The following DCAF1 variants were observed in gnomAD, a reference collection of about 807,000 sequenced individuals.
DCAF1 encodes DDB1- and CUL4-associated factor 1.
A neutral mutation model predicts 128.0 loss-of-function variants in DCAF1; 15 were observed. The ratio of observed to expected loss-of-function variants is 0.12; its 90% CI spans 0.08 to 0.18. The LOEUF (loss-of-function observed/expected upper bound fraction) is 0.18, where lower values mean the gene tolerates loss of function less well. Among genes scored for constraint, DCAF1 ranks in the 10% least tolerant of loss-of-function variants. The probability of loss-of-function intolerance (pLI) is 1.00; values close to 1 mark genes in which losing one functional copy is unlikely to be tolerated. For synonymous variants in DCAF1, 610 were observed against 603.0 expected, an observed-to-expected ratio of 1.01 and a Z score of -0.17; for missense variants, 988 against 1,649.5, an observed-to-expected ratio of 0.60 and a Z score of 6.95.
At chr3:51,417,142 GCA>G (rs1698951411) in intron 17 of DCAF1, among the ~76,000 whole-genome samples, 1 of 152,208 alleles carries the variant, frequency 6.6e-6, no homozygotes, top group South Asian at 2.1e-4. Context: ...AAGGGGCCAG[GCA>G]TGGTAGCTCA....
chr3:51,428,093 T>C (rs1182706188), intron 12 of DCAF1, among the ~76,000 whole-genome samples: 3 of 152,202 alleles, frequency 2.0e-5, no homozygotes, highest in Non-Finnish European at 2.9e-5. Context: ...ACTCACAATA[T>C]GATTTGTCCA....
intron 23 of DCAF1, among the ~76,000 whole-genome samples, chr3:51,409,213 G>A (rs956218076): frequency 3.9e-5 from 6 of 152,198 alleles, no homozygotes; most frequent in African/African-American, 7.2e-5. Flanking sequence ...CCTTCCTGGA[G>A]AGAGTGGGAT....
At chr3:51,436,543 A>G in intron 9 of DCAF1, 1 of 400,240 alleles carries the variant, frequency 2.5e-6, no homozygotes, top group Non-Finnish European at 5.1e-6. Flanking sequence ...GATAGACTGT[A>G]TACCAATAAT....
chr3:51,433,743 G>T (rs1160405863), intron 9 of DCAF1, among the ~76,000 whole-genome samples: 1 of 150,878 alleles, frequency 6.6e-6, no homozygotes, highest in African/African-American at 2.4e-5. Flanking sequence ...GATTACAGGC[G>T]TGAGCCACCA....
intron 6 of DCAF1, among the ~76,000 whole-genome samples, chr3:51,462,126 A>G (rs942927953): frequency 6.6e-6 from 1 of 152,148 alleles, no homozygotes; most frequent in Admixed American, 6.5e-5. Flanking sequence ...TCAAGATTTA[A>G]AAAAATTCTA....
intron 9 of DCAF1, 79 bp downstream of exon 9, chr3:51,440,891 G>A: frequency 2.4e-6 from 3 of 1,228,004 alleles, no homozygotes; most frequent in Middle Eastern, 1.9e-4. Context: ...GGGCGACAGA[G>A]TGAGACTCCA....
chr3:51,426,487 A>G (rs1699921681), intron 13 of DCAF1, among the ~76,000 whole-genome samples: 1 of 152,280 alleles, frequency 6.6e-6, no homozygotes. Flanking sequence ...TGAAATTACA[A>G]GCATGAGCCA....
At chr3:51,462,968 G>T in intron 6 of DCAF1, 146 bp downstream of exon 6, 2 of 394,380 alleles carry the variant, frequency 5.1e-6, no homozygotes, top group Non-Finnish European at 8.7e-6. Flanking sequence ...TTTTATTATT[G>T]CCTGTCAGGA....
At chr3:51,470,851 GAAA>G (rs1227658997) in intron 4 of DCAF1, 75 bp downstream of exon 4, 38 of 1,069,350 alleles carry the variant, frequency 3.6e-5, no homozygotes, top group Non-Finnish European at 4.9e-5. Flanking sequence ...TTTTAGAAAA[GAAA>G]AAAAAGACCC....
At chr3:51,470,447 G>T (rs533112172) in intron 4 of DCAF1, among the ~76,000 whole-genome samples, 1 of 152,150 alleles carries the variant, frequency 6.6e-6, no homozygotes, top group South Asian at 2.1e-4. Context: ...CACGCCTGTA[G>T]TCCCAGCTAC....
Position 51,414,025 on chromosome 3 carries a change from G to T in DCAF1, c.3856C>A (p.His1286Asn). ...AGAGCGGGAACAGTATGCAAAAGAT[G>T]AAAAGTTCGAAGGTCCCACTAGGAG... ...NTEIWDLRTF[H>N]LLHTVPALDQ... Residue 1286 changes from histidine (H) to asparagine (N), a missense_variant, in exon 20 of 25, where the codon CAT becomes AAT. This residue lies in a region of DCAF1 where 85 missense variants were observed against 204.6 expected (regional missense o/e 0.42). Transcript: ENST00000684031. 6.2e-7 allele frequency: 1 copy of T among 1,603,614 alleles called. No homozygotes were observed.
chr3:51,483,612 T>TGG (rs1302426814), intron 3 of DCAF1, 107 bp downstream of exon 3: 1 of 513,420 alleles, frequency 1.9e-6, no homozygotes, highest in Non-Finnish European at 3.3e-6. Flanking sequence ...AACTAGTTTG[T>TGG]GTGTGTGTGT....
intron 3 of DCAF1, among the ~76,000 whole-genome samples, chr3:51,475,065 G>A (rs1169229699): frequency 1.3e-5 from 2 of 151,904 alleles, no homozygotes; most frequent in Admixed American, 6.6e-5. Context: ...TTACAGGCGT[G>A]AGACACTGCA....
At chr3:51,499,699 T>C (rs1350592628) in intron 1 of DCAF1, among the ~76,000 whole-genome samples, 174 bp downstream of exon 1, 3 of 151,364 alleles carry the variant, frequency 2.0e-5, no homozygotes, top group South Asian at 2.1e-4. Flanking sequence ...GGAAAAGTCC[T>C]GTCAGGCCCC....
chr3:51,453,267 A>T (rs1702536692), intron 6 of DCAF1, among the ~76,000 whole-genome samples: 1 of 152,184 alleles, frequency 6.6e-6, no homozygotes. Context: ...AATAAAAGTT[A>T]ATATGAATTT....
At chr3:51,501,192 G>A (rs1320844911), upstream of DCAF1, among the ~76,000 whole-genome samples, 1 of 152,214 alleles carries the variant, frequency 6.6e-6, no homozygotes, top group East Asian at 1.9e-4. Flanking sequence ...GTGAGGCAGA[G>A]AAGTGAAAAA....
chr3:51,477,819 T>C (rs1411592168), intron 3 of DCAF1, among the ~76,000 whole-genome samples: 1 of 152,154 alleles, frequency 6.6e-6, no homozygotes, highest in East Asian at 1.9e-4. Context: ...CAAATATTTG[T>C]TGAGTGGAAT....
intron 21 of DCAF1, 48 bp from the exon 22 acceptor site, chr3:51,413,114 C>G: frequency 6.2e-7 from 1 of 1,609,132 alleles, no homozygotes; most frequent in Non-Finnish European, 8.5e-7. Flanking sequence ...TTGCTGTGAC[C>G]CTAAAACCTG....
At chr3:51,422,909 AT>A (rs1215425479) in intron 13 of DCAF1, among the ~76,000 whole-genome samples, 4 of 152,000 alleles carry the variant, frequency 2.6e-5, no homozygotes, top group African/African-American at 4.8e-5. Flanking sequence ...TAAAAAAAAA[AT>A]ATAAGATATT....
Sources: allele counts gnomAD v4.1 joint callset (sites outside exome capture counted in the v4.1 genomes callset), GRCh38; gene constraint gnomAD v4.1.1; regional missense constraint gnomAD v4.1.1; transcripts MANE v1.5; gene names NCBI Gene and HGNC (gene_info 2026-07-23, HGNC 2026-07-21).